PCDH7: variants seen among roughly 807,000 people sequenced by gnomAD.
PCDH7 encodes protocadherin-7.
A neutral mutation model predicts 58.9 loss-of-function variants in PCDH7; 17 were observed. The observed-to-expected ratio is 0.29, with a 90% CI of 0.20 to 0.43. The LOEUF is 0.43. Ranked by LOEUF, PCDH7 falls within the 20% of genes least tolerant of loss-of-function variation. The pLI, the probability that PCDH7 is intolerant of heterozygous loss-of-function variation, is 1.00. For synonymous variants in PCDH7, 664 were observed against 616.4 expected (o/e 1.08, Z -1.14); for missense variants, 1,274 against 1,441.0 (o/e 0.88, Z 1.88).
At chr4:31,030,340 A>T (rs1279068310) in intron 3 of PCDH7, among the ~76,000 whole-genome samples, 1 of 152,166 alleles carries the variant, frequency 6.6e-6, no homozygotes. Context: ...CTCACAAATA[A>T]TGGAGAAAGA....
chr4:31,001,692 G>C (rs536725907), intron 3 of PCDH7, among the ~76,000 whole-genome samples: 2 of 152,118 alleles, frequency 1.3e-5, no homozygotes, highest in Admixed American at 6.5e-5. Context: ...TCATTAAATC[G>C]TGTAGTGAAG....
At chr4:30,791,425 T>C (rs1328756825) in intron 1 of PCDH7, among the ~76,000 whole-genome samples, 1 of 152,200 alleles carries the variant, frequency 6.6e-6, no homozygotes, top group Non-Finnish European at 1.5e-5. Context: ...CCAGCCTATG[T>C]GTGGCCGGTA....
At chr4:30,808,571 C>G (rs903155174) in intron 1 of PCDH7, among the ~76,000 whole-genome samples, 2 of 152,048 alleles carry the variant, frequency 1.3e-5, no homozygotes, top group Admixed American at 1.3e-4. Flanking sequence ...AACATTCATC[C>G]TCCCTTCTGT....
At chr4:30,803,240 C>T (rs9654123) in intron 1 of PCDH7, among the ~76,000 whole-genome samples, 1,819 of 152,184 alleles carry the variant, frequency 0.012, 37 homozygotes, top group African/African-American at 0.041. Context: ...TGTTTCAAAA[C>T]AGCCCATTTT....
chr4:30,954,524 C>T (rs1315213067), intron 3 of PCDH7, among the ~76,000 whole-genome samples: 3 of 152,064 alleles, frequency 2.0e-5, no homozygotes, highest in Non-Finnish European at 4.4e-5. Context: ...ATTAGATTAT[C>T]TATAAGATTC....
intron 3 of PCDH7, among the ~76,000 whole-genome samples, chr4:31,118,390 A>G (rs1314383169): frequency 6.6e-6 from 1 of 152,170 alleles, no homozygotes; most frequent in Non-Finnish European, 1.5e-5. Context: ...ACAATTCCCA[A>G]CTAACATTTT....
intron 3 of PCDH7, among the ~76,000 whole-genome samples, chr4:31,093,376 G>A (rs9996117): frequency 0.59 from 89,836 of 151,972 alleles, 29,159 homozygotes; most frequent in African/African-American, 0.86. Flanking sequence ...TCCTGTTTAA[G>A]AAGAAGCATA....
At chr4:31,126,298 G>C (rs1718294966) in intron 3 of PCDH7, among the ~76,000 whole-genome samples, 1 of 151,736 alleles carries the variant, frequency 6.6e-6, no homozygotes, top group African/African-American at 2.4e-5. Context: ...TAGGATTACA[G>C]GTGCACACCA....
At chr4:30,808,613 G>C (rs910814580) in intron 1 of PCDH7, among the ~76,000 whole-genome samples, 1 of 151,628 alleles carries the variant, frequency 6.6e-6, no homozygotes, top group Non-Finnish European at 1.5e-5. Context: ...TTTTTTGTGG[G>C]GAAAAATACA....
exon 2 of PCDH7, chr4:30,731,190 T>G (rs993972445): frequency 2.1e-6 from 2 of 973,906 alleles, no homozygotes; most frequent in Non-Finnish European, 2.4e-6. Context: ...AAATACTGAT[T>G]TTGAATAAAA....
At chr4:30,732,094 T>G (rs577091062) in exon 2 of PCDH7, 1 of 152,298 alleles carries the variant, frequency 6.6e-6, no homozygotes, top group East Asian at 1.9e-4. Context: ...GTAACCCCTG[T>G]GAATCTCTAA....
chr4:30,920,012 T>G (rs919743695), intron 1 of PCDH7, 141 bp from the exon 2 acceptor site: 3 of 470,462 alleles, frequency 6.4e-6, no homozygotes, highest in African/African-American at 6.1e-5. Flanking sequence ...CATAGTTAAC[T>G]AATGCAGTTT....
chr4:30,922,180 G>A (rs1743266848), intron 2 of PCDH7, among the ~76,000 whole-genome samples: 1 of 151,264 alleles, frequency 6.6e-6, no homozygotes, highest in African/African-American at 2.4e-5. Context: ...TTACTTATAT[G>A]TACATATGTA....
chr4:31,093,776 G>A (rs1713580578), intron 3 of PCDH7, among the ~76,000 whole-genome samples: 1 of 152,038 alleles, frequency 6.6e-6, no homozygotes, highest in East Asian at 1.9e-4. Context: ...AACCACATGA[G>A]CCAAAGCGTC....
chr4:30,810,646 C>G lies in PCDH7; in HGVS notation c.70+86050C>G, dbSNP rs1455300113. ...TTTTTTTTTGAGAGGGAGTCTCACT[C>G]TGTCACCCAGGCTGGAGTGCAGTGG... On this transcript the variant is annotated intron_variant, in intron 1 of 3. Coordinates refer to the PCDH7 transcript ENST00000509759. Among the ~76,000 whole-genome samples the G allele has an allele frequency of 1.4e-4, 20 of 147,396 alleles. No individual in the cohort carries two copies. The Admixed American group carries it at 1.4e-3, about 10-fold the overall frequency.
chr4:31,056,615 GT>G (rs1757270115), intron 3 of PCDH7, among the ~76,000 whole-genome samples: 1 of 147,862 alleles, frequency 6.8e-6, no homozygotes, highest in African/African-American at 2.5e-5. Flanking sequence ...GAGAGAGAGA[GT>G]GAAAGACAGA....
intron 1 of PCDH7, among the ~76,000 whole-genome samples, chr4:30,868,383 A>G (rs945994574): frequency 6.6e-6 from 1 of 152,098 alleles, no homozygotes; most frequent in Admixed American, 6.6e-5. Flanking sequence ...AATTTTAAAC[A>G]TTACGCTGCT....
chr4:31,041,297 G>A (rs141674037), intron 3 of PCDH7, among the ~76,000 whole-genome samples: 18 of 152,184 alleles, frequency 1.2e-4, no homozygotes, highest in Non-Finnish European at 1.8e-4. Flanking sequence ...TTATTATTCC[G>A]GGGATATTTT....
chr4:30,955,833 G>A (rs934465698), intron 3 of PCDH7, among the ~76,000 whole-genome samples: 24 of 151,690 alleles, frequency 1.6e-4, no homozygotes, highest in Admixed American at 2.6e-4. Flanking sequence ...ACAGGCATAA[G>A]CCACCGTGCT....
Sources: gnomAD v4.1 joint callset for allele counts (sites outside exome capture counted in the v4.1 genomes callset) on GRCh38, gnomAD v4.1.1 for gene constraint, MANE v1.5 for transcripts, NCBI Gene and HGNC (gene_info 2026-07-23, HGNC 2026-07-21) for gene names.